USP12: variants seen among roughly 807,000 people sequenced by gnomAD.
USP12 encodes ubiquitin carboxyl-terminal hydrolase 12.
Under a neutral mutation model 45.5 loss-of-function variants are expected in USP12, and 19 were observed. That is an observed-to-expected ratio of 0.42 (90% CI 0.29 to 0.61). The LOEUF (loss-of-function observed/expected upper bound fraction) is 0.61, where lower values mean the gene tolerates loss of function less well. Ranked by LOEUF, USP12 falls within the 20% of genes least tolerant of loss-of-function variation. USP12 has a pLI of 0.22. For missense variants in USP12, 242 were observed against 447.7 expected (o/e 0.54, Z 4.15); for synonymous variants, 149 against 148.8 (o/e 1.00, Z -0.01).
chr13:27,088,787 T>G (rs1874185617), intron 6 of USP12, among the ~76,000 whole-genome samples: 1 of 152,208 alleles, frequency 6.6e-6, no homozygotes, highest in Non-Finnish European at 1.5e-5. Context: ...GACTGTGTTT[T>G]GTATCCCGTC....
chr13:27,130,013 G>C (rs1159273918), intron 1 of USP12, among the ~76,000 whole-genome samples: 1 of 152,114 alleles, frequency 6.6e-6, no homozygotes, highest in African/African-American at 2.4e-5. Context: ...AACCTAATCA[G>C]ACATTAAACA....
At chr13:27,092,545 G>A (rs1446484436) in intron 4 of USP12, among the ~76,000 whole-genome samples, 2 of 152,194 alleles carry the variant, frequency 1.3e-5, no homozygotes, top group Non-Finnish European at 2.9e-5. Context: ...AGAAGACAGT[G>A]ACCAGAAATA....
intron 6 of USP12, among the ~76,000 whole-genome samples, chr13:27,088,650 A>C (rs1276996739): frequency 1.3e-5 from 2 of 152,122 alleles, no homozygotes; most frequent in African/African-American, 4.8e-5. Flanking sequence ...CCCAAATAAA[A>C]ACTCAGGGCA....
At chr13:27,157,664 T>C (rs902651721) in intron 1 of USP12, among the ~76,000 whole-genome samples, 1 of 152,022 alleles carries the variant, frequency 6.6e-6, no homozygotes, top group Admixed American at 6.6e-5. Context: ...ACCTTATTTC[T>C]CTCTTGTTAT....
intron 1 of USP12, among the ~76,000 whole-genome samples, chr13:27,160,023 C>T (rs1423357893): frequency 1.3e-5 from 2 of 152,164 alleles, no homozygotes; most frequent in Non-Finnish European, 2.9e-5. Flanking sequence ...GAACACTTGG[C>T]AGGAGGAGTA....
intron 3 of USP12, among the ~76,000 whole-genome samples, chr13:27,099,932 T>C (rs1874787918): frequency 6.6e-6 from 1 of 152,138 alleles, no homozygotes; most frequent in South Asian, 2.1e-4. Flanking sequence ...CAACTAATCT[T>C]GAATTTGGTA....
intron 2 of USP12, among the ~76,000 whole-genome samples, chr13:27,111,009 G>C (rs921396256): frequency 3.3e-5 from 5 of 152,162 alleles, no homozygotes; most frequent in African/African-American, 1.2e-4. Flanking sequence ...TAAAAAACTA[G>C]AGGGAGTCTC....
rs1593219479 is a variant in USP12 at position 27,166,287 on chromosome 13, T to A, written c.48+5305A>T. Among the ~76,000 whole-genome samples the A allele has an allele frequency of 2.0e-5, 3 of 152,112 alleles. No homozygotes were observed. The East Asian group carries it at 5.8e-4, about 29-fold the overall frequency. On this transcript the variant is annotated intron_variant, in intron 1 of 8. Coordinates refer to ENST00000282344, the MANE Select transcript of USP12 (RefSeq NM_182488.4). ...CCAAAACAAAATTAGATTATTTAAATCTAAAAAGGTTTCTGGAAAGGAATT... is the reference window on the plus strand; with the variant it reads ...CCAAAACAAAATTAGATTATTTAAAACTAAAAAGGTTTCTGGAAAGGAATT...
intron 7 of USP12, among the ~76,000 whole-genome samples, chr13:27,072,868 AC>A (rs1873309318): frequency 6.6e-6 from 1 of 152,162 alleles, no homozygotes; most frequent in Non-Finnish European, 1.5e-5. Flanking sequence ...GGCTGCGCAC[AC>A]CCTCCACACT....
At chr13:27,106,593 A>T (rs182341036) in intron 2 of USP12, among the ~76,000 whole-genome samples, 17 of 152,332 alleles carry the variant, frequency 1.1e-4, no homozygotes, top group African/African-American at 3.6e-4. Flanking sequence ...GATAATTCTC[A>T]TATTTCTACT....
intron 1 of USP12, among the ~76,000 whole-genome samples, chr13:27,156,759 T>G (rs1275697255): frequency 6.6e-6 from 1 of 151,476 alleles, no homozygotes; most frequent in African/African-American, 2.4e-5. Context: ...GAGGTGGAGG[T>G]TGCAGTGAGC....
In USP12 at chr13:27,090,775, G is replaced by A. The variant is rs144280987; in HGVS notation, c.574-617C>T. On this transcript the variant is annotated intron_variant, in intron 4 of 8. Transcript: ENST00000282344. Reference sequence around the variant, plus strand: ...AAGGTACGTGTGCAACAGGAGATACGTCTGACTCAGCAACCTGTGCCTCTC... The same window carrying A: ...AAGGTACGTGTGCAACAGGAGATACATCTGACTCAGCAACCTGTGCCTCTC... Among the ~76,000 whole-genome samples, 115 of 152,232 alleles carry A rather than the reference G, an allele frequency of 7.6e-4. 1 individual carries two copies. In the Middle Eastern group the frequency reaches 0.014, roughly 18 times the overall value.
intron 7 of USP12, 54 bp downstream of exon 7, chr13:27,075,137 C>G: frequency 1.3e-6 from 2 of 1,563,810 alleles, no homozygotes; most frequent in Non-Finnish European, 8.8e-7. Context: ...CTTGAATGTA[C>G]CCTGCTCTTC....
Position 27,171,651 on chromosome 13 carries a change from C to T in USP12, c.-12G>A. ...ATTAGGATTTCCATCCGGCCAGCGC[C>T]ATCTTCCACCCAATCACAGCGGCGG... On this transcript the variant is annotated 5_prime_UTR_variant, in exon 1 of 9. An upstream start codon of the reference 5' UTR is lost. Coordinates refer to ENST00000282344, the MANE Select transcript of USP12 (RefSeq NM_182488.4). 7.8e-7 allele frequency: 1 copy of T among 1,278,380 alleles called. No individual in the cohort carries two copies. 79.2% of individuals were successfully genotyped at this position (1,278,380 alleles called of 1,614,324 possible). A position where few individuals can be genotyped will look rare whatever the true frequency, so the allele number is the denominator to read the frequency against.
At chr13:27,071,900 T>C (rs1239581879) in intron 7 of USP12, among the ~76,000 whole-genome samples, 1 of 152,120 alleles carries the variant, frequency 6.6e-6, no homozygotes, top group African/African-American at 2.4e-5. Flanking sequence ...CTCATATAAT[T>C]ATATTTATTA....
intron 3 of USP12, among the ~76,000 whole-genome samples, chr13:27,104,348 T>A (rs1345924618): frequency 1.3e-5 from 2 of 152,148 alleles, no homozygotes; most frequent in East Asian, 3.9e-4. Context: ...ATTTTTAAAA[T>A]ACTAATAAAG....
chr13:27,102,567 C>T (rs1008464569), intron 3 of USP12, among the ~76,000 whole-genome samples: 4 of 152,222 alleles, frequency 2.6e-5, no homozygotes, highest in Non-Finnish European at 4.4e-5. Context: ...CCTTCAAGCA[C>T]TCAGGCAACC....
chr13:27,077,711 T>C (rs1419546515), intron 6 of USP12: 1 of 152,166 alleles, frequency 6.6e-6, no homozygotes, highest in East Asian at 1.9e-4. Flanking sequence ...AGAAAACTGC[T>C]TGAACATACG....
At chr13:27,073,217 G>T (rs980208240) in intron 7 of USP12, among the ~76,000 whole-genome samples, 2 of 152,126 alleles carry the variant, frequency 1.3e-5, no homozygotes, top group Non-Finnish European at 2.9e-5. Flanking sequence ...ACCCTGGGGT[G>T]GGGGCGGGAT....
Sources: allele counts gnomAD v4.1 joint callset (sites outside exome capture counted in the v4.1 genomes callset), GRCh38; gene constraint gnomAD v4.1.1; transcripts MANE v1.5; gene names NCBI Gene and HGNC (gene_info 2026-07-23, HGNC 2026-07-21).